The following SLC39A11 variants were observed in gnomAD, a reference collection of about 807,000 sequenced individuals.
The protein encoded by SLC39A11 is zinc transporter ZIP11.
Under a neutral mutation model 36.1 loss-of-function variants are expected in SLC39A11, and 33 were observed. That is an observed-to-expected ratio of 0.91 (90% confidence interval 0.69 to 1.22). SLC39A11 has a LOEUF of 1.22. SLC39A11 is among the 50% of genes most tolerant of loss of function. The pLI is 0.00. For missense variants in SLC39A11, 432 were observed against 430.3 expected (o/e 1.00, Z -0.03); for synonymous variants, 166 against 170.3 (o/e 0.97, Z 0.20).
chr17:73,091,184 T>C (rs991198266), intron 1 of SLC39A11, among the ~76,000 whole-genome samples: 3 of 152,128 alleles, frequency 2.0e-5, no homozygotes, highest in African/African-American at 7.2e-5. Flanking sequence ...TCCCAGCACC[T>C]TGGGAGGCCA....
At chr17:72,701,781 A>G (rs1261371130) in intron 7 of SLC39A11, among the ~76,000 whole-genome samples, 1 of 99,200 alleles carries the variant, frequency 1.0e-5, no homozygotes, top group African/African-American at 3.5e-5. Flanking sequence ...AAGAAAAGGA[A>G]GGAAGGAAGG....
intron 3 of SLC39A11, among the ~76,000 whole-genome samples, chr17:73,080,343 G>T (rs981263089): frequency 2.6e-5 from 4 of 152,154 alleles, no homozygotes; most frequent in African/African-American, 9.7e-5. Context: ...AATACTTACA[G>T]CCAACTGATC....
chr17:72,905,261 T>G (rs2082599218), intron 5 of SLC39A11, among the ~76,000 whole-genome samples: 1 of 146,190 alleles, frequency 6.8e-6, no homozygotes, highest in Non-Finnish European at 1.5e-5. Flanking sequence ...GCTTTGTGGC[T>G]GGATGGATTC....
At position 72,749,736 on chromosome 17, in the gene SLC39A11, G is replaced by A. The variant is rs188145922; in HGVS notation, c.602-13017C>T. 1.6e-4 allele frequency among the ~76,000 whole-genome samples: 25 copies of A among 152,152 alleles called. 1 individual carries two copies. The East Asian group carries it at 4.5e-3, about 27-fold the overall frequency. On this transcript the variant is annotated intron_variant, in intron 6 of 9. Coordinates refer to ENST00000255559, the MANE Select transcript of SLC39A11 (RefSeq NM_139177.4). ...AGTCCCCAGCCCCACACTGCACACC[G>A]AAGGCAGGAGGTCTCTAATCACTGG...
chr17:72,964,768 C>T (rs201921657), intron 4 of SLC39A11, among the ~76,000 whole-genome samples: 15 of 152,166 alleles, frequency 9.9e-5, no homozygotes, highest in Admixed American at 1.3e-4. Flanking sequence ...ACCCAAAGGA[C>T]TATAAATCAT....
intron 3 of SLC39A11, among the ~76,000 whole-genome samples, chr17:73,080,437 G>C (rs1239943230): frequency 6.6e-6 from 1 of 152,140 alleles, no homozygotes; most frequent in Non-Finnish European, 1.5e-5. Context: ...GCCACATATA[G>C]AAGAACAAAA....
chr17:73,092,211 A>T (rs1215257630), intron 1 of SLC39A11: 1 of 152,308 alleles, frequency 6.6e-6, no homozygotes, highest in African/African-American at 2.4e-5. Context: ...TCCAGCTAAC[A>T]GCCAGAGCAA....
intron 5 of SLC39A11, among the ~76,000 whole-genome samples, chr17:72,872,778 C>T (rs565443206): frequency 2.9e-4 from 44 of 152,100 alleles, no homozygotes; most frequent in Middle Eastern, 3.4e-3. Flanking sequence ...GGTTCAGGGG[C>T]GGGTGCAGTG....
At chr17:72,822,205 C>CATATACTATAT (rs1874650247) in intron 6 of SLC39A11, among the ~76,000 whole-genome samples, 2 of 149,652 alleles carry the variant, frequency 1.3e-5, no homozygotes, top group Non-Finnish European at 1.5e-5. Context: ...ATTATATGCA[C>CATATACTATAT]ATATACTATA....
Position 72,691,908 on chromosome 17 carries a change from C to T in SLC39A11, c.672-42640G>A, listed in dbSNP as rs183764824. 2.0e-3 allele frequency among the ~76,000 whole-genome samples: 304 copies of T among 152,266 alleles called. 3 individuals are homozygous for T. The highest frequency in any genetic ancestry group is 7.1e-3 in the African/African-American group (294 of 41,560). ...ACTATATAGGATATGTGACCTCTGT[C>T]CTTGAGGAATCAGGAGACAGGAAAC... is the stretch of plus-strand genomic sequence containing the variant. On this transcript the variant is annotated intron_variant, in intron 7 of 9. Transcript: ENST00000255559.
chr17:72,709,911 T>C (rs2073046952), intron 7 of SLC39A11, among the ~76,000 whole-genome samples: 2 of 152,212 alleles, frequency 1.3e-5, no homozygotes, highest in South Asian at 4.1e-4. Context: ...TAAAATGTGG[T>C]TGATTTCTTT....
intron 4 of SLC39A11, among the ~76,000 whole-genome samples, chr17:72,960,875 AG>A (rs1483127556): frequency 2.0e-5 from 3 of 152,210 alleles, no homozygotes; most frequent in African/African-American, 7.2e-5. Flanking sequence ...TAAAAATAAA[AG>A]TAAGTACACC....
chr17:72,962,832 C>A (rs548101533), intron 4 of SLC39A11, among the ~76,000 whole-genome samples: 7 of 152,200 alleles, frequency 4.6e-5, no homozygotes. Flanking sequence ...CCATCGGGCC[C>A]GGCCAGCCCT....
chr17:72,895,983 T>C (rs1200687799), intron 5 of SLC39A11, among the ~76,000 whole-genome samples: 1 of 151,892 alleles, frequency 6.6e-6, no homozygotes, highest in Non-Finnish European at 1.5e-5. Context: ...AAGATTATTT[T>C]TAATCTTTTT....
rs577061339 is a variant in SLC39A11, at chr17:72,859,425, G to T, written c.431-9621C>A. ...TTATTTGAAGTTCAAATGTAGCAAG[G>T]TAACCTGTATTTGAACTGACAACTC... On this transcript the variant is annotated intron_variant, in intron 5 of 9. Coordinates refer to ENST00000255559, the MANE Select transcript of SLC39A11 (RefSeq NM_139177.4). 7.9e-5 allele frequency among the ~76,000 whole-genome samples: 12 copies of T among 152,232 alleles called. No individual in the cohort carries two copies. The South Asian group carries it at 2.5e-3, about 32-fold the overall frequency.
chr17:72,945,535 A>C (rs777799595), intron 5 of SLC39A11, among the ~76,000 whole-genome samples: 8 of 152,190 alleles, frequency 5.3e-5, no homozygotes, highest in Non-Finnish European at 1.2e-4. Context: ...TGACACCCAC[A>C]GGTGTGTCCA....
chr17:72,681,114 T>C (rs554239551), intron 7 of SLC39A11, among the ~76,000 whole-genome samples: 8 of 152,186 alleles, frequency 5.3e-5, no homozygotes, highest in African/African-American at 1.9e-4. Flanking sequence ...AGGTAATTTT[T>C]TTGGGTTTCA....
intron 5 of SLC39A11, among the ~76,000 whole-genome samples, chr17:72,936,364 C>T (rs1228027425): frequency 3.0e-5 from 4 of 133,316 alleles, no homozygotes; most frequent in Non-Finnish European, 4.6e-5. Flanking sequence ...TTGGTGAGAC[C>T]ACAGGGTATA....
At chr17:72,684,724 ACT>A (rs1443127268) in intron 7 of SLC39A11, among the ~76,000 whole-genome samples, 1 of 152,126 alleles carries the variant, frequency 6.6e-6, no homozygotes, top group African/African-American at 2.4e-5. Context: ...ACTGAGGCTC[ACT>A]CTGTTTGCAG....
Sources: allele counts gnomAD v4.1 joint callset (sites outside exome capture counted in the v4.1 genomes callset), GRCh38; gene constraint gnomAD v4.1.1; transcripts MANE v1.5; gene names NCBI Gene and HGNC (gene_info 2026-07-23, HGNC 2026-07-21).